Variants in ADCY1 observed in about 807,000 individuals in gnomAD.
ADCY1 encodes the protein adenylate cyclase 1.
ADCY1 carries 28 observed loss-of-function variants against 105.4 expected under a neutral mutation model. That is an observed-to-expected ratio of 0.27 (90% CI 0.20 to 0.36). ADCY1 has a LOEUF of 0.36. ADCY1 is among the 10% of genes least tolerant of loss of function. The pLI, the probability that ADCY1 is intolerant of heterozygous loss-of-function variation, is 1.00. For synonymous variants in ADCY1, 655 were observed against 623.8 expected (o/e 1.05, Z -0.75); for missense variants, 977 against 1,434.2 (o/e 0.68, Z 5.15).
At chr7:45,627,732 C>G (rs1794103704) in intron 4 of ADCY1, among the ~76,000 whole-genome samples, 1 of 152,202 alleles carries the variant, frequency 6.6e-6, no homozygotes, top group African/African-American at 2.4e-5. Context: ...GGGTCAGTAC[C>G]TGGGACAGCT....
At chr7:45,669,433 A>G (rs2116156703) in intron 8 of ADCY1, among the ~76,000 whole-genome samples, 1 of 152,100 alleles carries the variant, frequency 6.6e-6, no homozygotes. Context: ...CATGTAGTTG[A>G]GTGGTTTTAA....
intron 2 of ADCY1, among the ~76,000 whole-genome samples, chr7:45,609,860 A>G (rs1584267079): frequency 1.3e-5 from 2 of 152,358 alleles, no homozygotes; most frequent in Non-Finnish European, 2.9e-5. Context: ...CTTGGGGGAA[A>G]AAAGAAAATG....
intron 2 of ADCY1, among the ~76,000 whole-genome samples, chr7:45,595,942 A>G (rs1793059724): frequency 6.6e-6 from 1 of 152,196 alleles, no homozygotes; most frequent in South Asian, 2.1e-4. Context: ...CCTCCTGGCT[A>G]CCTGCTGTCT....
intron 1 of ADCY1, among the ~76,000 whole-genome samples, chr7:45,585,101 C>T (rs1309487333): frequency 6.6e-6 from 1 of 152,240 alleles, no homozygotes; most frequent in East Asian, 1.9e-4. Context: ...GTGCCTTTGC[C>T]TTCATTCCCC....
chr7:45,686,048 C>A lies in ADCY1; in HGVS notation c.2160C>A (p.Pro720=), dbSNP rs770421995. The A allele has an allele frequency of 8.7e-6, 14 of 1,612,666 alleles. No individual in the cohort carries two copies. The highest frequency in any genetic ancestry group is 1.2e-5 in the Non-Finnish European group (14 of 1,179,540). The change falls in exon 13 of 20, where the codon CCC becomes CCA. Residue 720 remains proline, a synonymous_variant. Coordinates refer to ENST00000297323, the MANE Select transcript of ADCY1 (RefSeq NM_021116.4). The surrounding 1 kb of genome is among the most constrained non-coding windows in gnomAD (Gnocchi z 4.3). ...CTGGGGGCCAGCGCACAGCCCTGCC[C>A]ACCCTGCCCTGCGAGTCTACACACC... ...LSSGGQRTAL[P]TLPCESTHHA...
At chr7:45,632,850 C>T (rs929088097) in intron 4 of ADCY1, among the ~76,000 whole-genome samples, 4 of 152,110 alleles carry the variant, frequency 2.6e-5, no homozygotes, top group Non-Finnish European at 4.4e-5. Flanking sequence ...GGATTACAGG[C>T]ATGAACCACC....
rs373943153 is a variant in ADCY1, at chr7:45,678,130, C to A, written c.1801-36C>A. The A allele has an allele frequency of 2.5e-6, 4 of 1,613,970 alleles. No individual in the cohort carries two copies. The African/African-American group carries it at 5.3e-5, about 22-fold the overall frequency. On this transcript the variant is annotated intron_variant, in intron 9 of 19. Coordinates refer to ENST00000297323, the MANE Select transcript of ADCY1 (RefSeq NM_021116.4). ...AAGGCGCTGCCTGGCTGGAGGAAGC[C>A]CTCAGCCCTGATGGATTGACTTCTC...
At chr7:45,582,150 ACT>A (rs1340350283) in intron 1 of ADCY1, among the ~76,000 whole-genome samples, 3 of 152,126 alleles carry the variant, frequency 2.0e-5, no homozygotes, top group South Asian at 2.1e-4. Context: ...ACTGATGCAC[ACT>A]CGTAAACTAA....
intron 1 of ADCY1, 91 bp from the exon 2 acceptor site, chr7:45,592,668 A>G: frequency 1.3e-6 from 2 of 1,559,718 alleles, no homozygotes; most frequent in Non-Finnish European, 1.7e-6. Flanking sequence ...TGGCTTTTGG[A>G]GAGCTCTTGC....
chr7:45,692,076 C>T (rs1584335465), intron 14 of ADCY1, among the ~76,000 whole-genome samples: 1 of 152,210 alleles, frequency 6.6e-6, no homozygotes, highest in East Asian at 1.9e-4. Context: ...TATGGAGGGA[C>T]AGATGGTTCC....
chr7:45,633,800 C>CAAAAAAA (rs754127020), intron 4 of ADCY1, among the ~76,000 whole-genome samples: 1 of 49,504 alleles, frequency 2.0e-5, no homozygotes, highest in Non-Finnish European at 4.7e-5. Context: ...GACATCATCG[C>CAAAAAAA]AAAAAAAAAA....
intron 3 of ADCY1, among the ~76,000 whole-genome samples, chr7:45,614,703 A>G (rs79995073): frequency 0.032 from 4,817 of 152,316 alleles, 101 homozygotes; most frequent in African/African-American, 0.056. Flanking sequence ...GCTCATACCA[A>G]TGAGACCCCA....
chr7:45,575,412 A>AGTGTGGAGAGGGGAGACAG lies in ADCY1; in HGVS notation c.639+241_639+259dup, dbSNP rs1362452552. Among the ~76,000 whole-genome samples the AGTGTGGAGAGGGGAGACAG allele has an allele frequency of 6.6e-6, 1 of 152,228 alleles. No individual in the cohort carries two copies. The highest frequency in any genetic ancestry group is 1.9e-4 in the East Asian group (1 of 5,178). On this transcript the variant is annotated intron_variant, in intron 1 of 19. Coordinates refer to ENST00000297323, the MANE Select transcript of ADCY1 (RefSeq NM_021116.4). The surrounding 1 kb of genome is among the most constrained non-coding windows in gnomAD (Gnocchi z 4.7). ...AATCCACGAAGCGCCCCTGGCGTGA[A>AGTGTGGAGAGGGGAGACAG]GTGTGGAGAGGGGAGACAGGTGTGG...
At chr7:45,691,647 G>C (rs896366423) in intron 14 of ADCY1, among the ~76,000 whole-genome samples, 3 of 152,150 alleles carry the variant, frequency 2.0e-5, no homozygotes, top group Non-Finnish European at 4.4e-5. Context: ...AATCATCATG[G>C]CAATTATAAT....
At position 45,686,732 on chromosome 7, in the gene ADCY1, C is replaced by A; in HGVS notation, c.2454+59C>A. The A allele has an allele frequency of 1.3e-6, 2 of 1,548,896 alleles. No individual in the cohort carries two copies. The highest frequency in any genetic ancestry group is 2.3e-5 in the East Asian group (1 of 43,934). The stretch of plus-strand genomic sequence containing the variant: ...GGGATTTAGAGGAGGAAGAAGTCTT[C>A]AGCAAGCATCTGACGGGGGCTGCCA... On this transcript the variant is annotated intron_variant, in intron 14 of 19. Transcript: ENST00000297323. The surrounding 1 kb of genome is among the most constrained non-coding windows in gnomAD (Gnocchi z 4.3).
chr7:45,686,171 G>T lies in ADCY1; in HGVS notation c.2283G>T (p.Thr761=), dbSNP rs746675248. Residue 761 remains threonine, a synonymous_variant, in exon 13 of 20, where the codon ACG becomes ACT. Coordinates refer to ENST00000297323, the MANE Select transcript of ADCY1 (RefSeq NM_021116.4). This position sits in a 1 kb window ranked among gnomAD's most constrained non-coding sequence, Gnocchi z 4.3. ...TGATCCTGCTCTCCGGGCTCACCAC[G>T]TCCTACATCCTCGTTCTGGAGCTCA... The part of the protein sequence containing the change: ...PKMILLSGLT[T]SYILVLELSG... 6.2e-7 allele frequency: 1 copy of T among 1,614,114 alleles called. No individual in the cohort carries two copies. The highest frequency in any genetic ancestry group is 8.5e-7 in the Non-Finnish European group (1 of 1,180,020).
chr7:45,579,345 T>TCCCCTGCTGGCCCC (rs1792450263), intron 1 of ADCY1, among the ~76,000 whole-genome samples: 1 of 151,984 alleles, frequency 6.6e-6, no homozygotes, highest in South Asian at 2.1e-4. Flanking sequence ...CTGCTGGCCC[T>TCCCCTGCTGGCCCC]ACCTCCCCTG....
chr7:45,694,316 C>T (rs1421768334), intron 14 of ADCY1, among the ~76,000 whole-genome samples: 1 of 151,980 alleles, frequency 6.6e-6, no homozygotes, highest in Admixed American at 6.6e-5. Flanking sequence ...AATTAGAAGT[C>T]CATAACAGAA....
chr7:45,667,889 G>A (rs1784291240), intron 8 of ADCY1, among the ~76,000 whole-genome samples: 1 of 152,158 alleles, frequency 6.6e-6, no homozygotes, highest in Admixed American at 6.5e-5. Flanking sequence ...TCTCTTTGAA[G>A]CAATTGTGAA....
Sources: allele counts gnomAD v4.1 joint callset (sites outside exome capture counted in the v4.1 genomes callset), GRCh38; gene constraint gnomAD v4.1.1; non-coding constraint Gnocchi (gnomAD v3.1); transcripts MANE v1.5; gene names NCBI Gene and HGNC (gene_info 2026-07-23, HGNC 2026-07-21).